Variants in SLC9A2 observed in about 807,000 individuals in gnomAD.
SLC9A2 encodes solute carrier family 9 member A2, also known as sodium/hydrogen exchanger 2.
SLC9A2 carries 42 observed loss-of-function variants against 71.7 expected under a neutral mutation model. That is an observed-to-expected ratio of 0.59 (90% CI 0.46 to 0.76). SLC9A2 has a LOEUF of 0.76. Ranked by LOEUF, SLC9A2 falls within the 30% of genes least tolerant of loss-of-function variation. The pLI is 0.00. For synonymous variants in SLC9A2, 396 were observed against 392.5 expected, an observed-to-expected ratio of 1.01 and a Z score of -0.10; for missense variants, 829 against 1,017.4, an observed-to-expected ratio of 0.81 and a Z score of 2.52.
At chr2:102,701,274 GCAT>G in intron 8 of SLC9A2, 43 bp downstream of exon 8, 1 of 1,359,006 alleles carries the variant, frequency 7.4e-7, no homozygotes, top group Non-Finnish European at 1.0e-6. Context: ...TGTTAAATAG[GCAT>G]TGATAGTATT....
At chr2:102,704,786 T>C in intron 10 of SLC9A2, 111 bp downstream of exon 10, 1 of 1,212,420 alleles carries the variant, frequency 8.2e-7, no homozygotes, top group Non-Finnish European at 1.2e-6. Context: ...TTGACAGTTC[T>C]CTGAGGAGCT....
At chr2:102,627,335 A>AG (rs1340575890) in intron 1 of SLC9A2, among the ~76,000 whole-genome samples, 1 of 152,112 alleles carries the variant, frequency 6.6e-6, no homozygotes, top group Non-Finnish European at 1.5e-5. Flanking sequence ...AACAAAAAAA[A>AG]CAAACTGTTC....
At chr2:102,684,859 T>C (rs934431055) in intron 5 of SLC9A2, among the ~76,000 whole-genome samples, 10 of 152,216 alleles carry the variant, frequency 6.6e-5, no homozygotes, top group Admixed American at 6.5e-4. Context: ...TTTGCAGATA[T>C]TCATTTATCA....
Position 102,684,134 on chromosome 2 carries a change from G to C in SLC9A2, c.1223G>C (p.Gly408Ala). The C allele has an allele frequency of 1.9e-6, 3 of 1,613,238 alleles. No individual in the cohort carries two copies. The highest frequency in any genetic ancestry group is 2.5e-6 in the Non-Finnish European group (3 of 1,179,382). Residue 408 changes from glycine (G) to alanine (A), a missense_variant and splice_region_variant, in exon 5 of 12, where the codon GGT becomes GCT. Physicochemically the swap from Gly to Ala is moderately conservative, Grantham distance 60 (BLOSUM62 0). Transcript: ENST00000233969. ...LAFCLMWRAL[G>A]VFVLTQVINR... ...CCTCTTGGGTTTTCTTTCTTTGCAG[G>C]TGTTTTTGTCCTGACTCAGGTCATT...
chr2:102,652,444 C>T (rs995644368), intron 1 of SLC9A2, among the ~76,000 whole-genome samples: 1 of 152,142 alleles, frequency 6.6e-6, no homozygotes, highest in African/African-American at 2.4e-5. Flanking sequence ...CCAGCCTTTC[C>T]TCAAACCTGT....
chr2:102,692,728 G>A (rs958883489), intron 5 of SLC9A2, among the ~76,000 whole-genome samples: 1 of 152,092 alleles, frequency 6.6e-6, no homozygotes, highest in African/African-American at 2.4e-5. Context: ...AGCCTCTCAA[G>A]TTATGTTAAA....
intron 3 of SLC9A2, among the ~76,000 whole-genome samples, chr2:102,666,219 G>A (rs573153055): frequency 5.0e-5 from 7 of 139,756 alleles, no homozygotes; most frequent in South Asian, 2.3e-4. Flanking sequence ...TTTTTGAGGC[G>A]GAGTCTCGCT....
intron 10 of SLC9A2, among the ~76,000 whole-genome samples, chr2:102,705,014 C>A (rs562742130): frequency 1.6e-4 from 24 of 152,028 alleles, no homozygotes; most frequent in African/African-American, 5.5e-4. Context: ...CCAGCCTGGG[C>A]AACACGGTGA....
intron 1 of SLC9A2, among the ~76,000 whole-genome samples, chr2:102,633,264 A>G (rs957219346): frequency 2.7e-4 from 41 of 152,268 alleles, no homozygotes; most frequent in African/African-American, 9.1e-4. Context: ...TAACTTGTCC[A>G]AGGTGTCAGC....
intron 3 of SLC9A2, among the ~76,000 whole-genome samples, chr2:102,672,358 A>T (rs1017814377): frequency 9.1e-5 from 13 of 143,242 alleles, no homozygotes; most frequent in Non-Finnish European, 1.5e-5. Context: ...CCTATTAGAC[A>T]CTGTTGTTCT....
rs1676094817 is a variant in SLC9A2 at position 102,619,705 on chromosome 2, A to C, written c.-144A>C. 7.6e-6 allele frequency: 5 copies of C among 657,594 alleles called. No homozygotes were observed. Among genetic ancestry groups the C allele is most frequent in the Non-Finnish European group, 1.2e-5 (5 of 431,760 alleles). 40.7% of individuals were successfully genotyped at this position (657,594 alleles called of 1,614,324 possible). A position where few individuals can be genotyped will look rare whatever the true frequency, so the allele number is the denominator to read the frequency against. On this transcript the variant is annotated 5_prime_UTR_variant, in exon 1 of 12. Coordinates refer to ENST00000233969, the MANE Select transcript of SLC9A2 (RefSeq NM_003048.6). This position sits in a 1 kb window ranked among gnomAD's most constrained non-coding sequence, Gnocchi z 4.3. ...AGGACCTAGCCCTCTGGTTGCAGAG[A>C]CCCGGTGCCGCAGCAGCGGCGGGTG...
intron 1 of SLC9A2, among the ~76,000 whole-genome samples, chr2:102,654,222 A>C (rs1352945237): frequency 2.1e-5 from 2 of 95,798 alleles, no homozygotes; most frequent in Admixed American, 2.7e-4. Flanking sequence ...TTTTTTTGAG[A>C]CGGAGTCTCA....
chr2:102,657,760 C>T lies in SLC9A2; in HGVS notation c.486C>T (p.Phe162=). ...GCTATTTCATGCCCACTCGCCCATT[C>T]TTTGAGAACATTGGCACGATTTTCT... ...DAGYFMPTRP[F]FENIGTIFWY... The change falls in exon 2 of 12, where the codon TTC becomes TTT. Residue 162 remains phenylalanine (F), a synonymous_variant. Transcript: ENST00000233969. 4 of 1,614,190 alleles carry T rather than the reference C, an allele frequency of 2.5e-6. No individual in the cohort carries two copies. Among genetic ancestry groups the T allele is most frequent in the Non-Finnish European group, 3.4e-6 (4 of 1,180,026 alleles).
rs556259119 is a variant in SLC9A2, at chr2:102,643,193, C to T, written c.290-14371C>T. ...ACGTCCATGTTCTCTGCGTTCTTTA[C>T]GTCGTCCTTCCTGGCTCTACAGGGA... On this transcript the variant is annotated intron_variant, in intron 1 of 11. Transcript: ENST00000233969. 9.2e-4 allele frequency among the ~76,000 whole-genome samples: 140 copies of T among 152,232 alleles called. 1 individual carries two copies. The highest frequency in any genetic ancestry group is 3.2e-3 in the African/African-American group (131 of 41,536).
chr2:102,651,804 A>T (rs1215772736), intron 1 of SLC9A2, among the ~76,000 whole-genome samples: 1 of 152,220 alleles, frequency 6.6e-6, no homozygotes, highest in Non-Finnish European at 1.5e-5. Flanking sequence ...GACAAAAATG[A>T]TTGAATGAGG....
At position 102,674,180 on chromosome 2, in the gene SLC9A2, C is replaced by T. The variant is rs4851021; in HGVS notation, c.1004+8830C>T. ...TAGTAGTTCTGAGGATGACACGCTT[C>T]GACACATGGATTAAGTCAGTGTTTC... On this transcript the variant is annotated intron_variant, in intron 3 of 11. Coordinates refer to ENST00000233969, the MANE Select transcript of SLC9A2 (RefSeq NM_003048.6). Among the ~76,000 whole-genome samples, 48 of 152,182 alleles carry T rather than the reference C, an allele frequency of 3.2e-4. No homozygotes were observed. The South Asian group carries it at 7.1e-3, about 22-fold the overall frequency.
At chr2:102,691,457 T>C (rs1490801493) in intron 5 of SLC9A2, among the ~76,000 whole-genome samples, 1 of 152,148 alleles carries the variant, frequency 6.6e-6, no homozygotes, top group Non-Finnish European at 1.5e-5. Context: ...CCCAGGCTCC[T>C]AGAATATAAC....
intron 1 of SLC9A2, among the ~76,000 whole-genome samples, chr2:102,625,159 T>C (rs905511385): frequency 1.3e-5 from 2 of 152,158 alleles, no homozygotes; most frequent in African/African-American, 4.8e-5. Flanking sequence ...AGCCTCCATC[T>C]TCTCCCAGTG....
intron 11 of SLC9A2, among the ~76,000 whole-genome samples, chr2:102,706,860 T>C (rs1364060335): frequency 2.0e-5 from 3 of 152,244 alleles, no homozygotes; most frequent in African/African-American, 7.2e-5. Flanking sequence ...AGCTTTGTTA[T>C]AATGTCTAAT....
Sources: gnomAD v4.1 joint callset for allele counts (sites outside exome capture counted in the v4.1 genomes callset) on GRCh38, gnomAD v4.1.1 for gene constraint, Gnocchi (gnomAD v3.1) non-coding constraint, MANE v1.5 for transcripts, NCBI Gene and HGNC (gene_info 2026-07-23, HGNC 2026-07-21) for gene names.